The following TMTC1 variants were observed in gnomAD, a reference collection of about 807,000 sequenced individuals.
TMTC1 encodes protein O-mannosyl-transferase TMTC1.
In TMTC1, 73 loss-of-function variants were observed where a neutral mutation model predicts 104.8. The observed-to-expected ratio is 0.70, with a 90% confidence interval of 0.58 to 0.85. The LOEUF (loss-of-function observed/expected upper bound fraction) is 0.85, where lower values mean the gene tolerates loss of function less well. TMTC1 is among the 40% of genes least tolerant of loss of function. The probability of loss-of-function intolerance (pLI) is 0.00; values close to 1 mark genes in which losing one functional copy is unlikely to be tolerated. For synonymous variants in TMTC1, 434 were observed against 428.7 expected (o/e 1.01, Z -0.15); for missense variants, 1,035 against 1,096.1 (o/e 0.94, Z 0.79).
intron 9 of TMTC1, among the ~76,000 whole-genome samples, chr12:29,559,811 C>T (rs1158586030): frequency 2.6e-5 from 4 of 152,310 alleles, no homozygotes; most frequent in East Asian, 3.9e-4. Context: ...CTTTCTCTCT[C>T]TGGGTATCTG....
At chr12:29,589,121 G>A (rs1251005440) in intron 7 of TMTC1, among the ~76,000 whole-genome samples, 2 of 152,298 alleles carry the variant, frequency 1.3e-5, no homozygotes, top group African/African-American at 2.4e-5. Flanking sequence ...TTTACTGAGC[G>A]TGAGAAGAAT....
intron 6 of TMTC1, among the ~76,000 whole-genome samples, chr12:29,611,078 C>T (rs1946831739): frequency 6.6e-6 from 1 of 152,146 alleles, no homozygotes; most frequent in South Asian, 2.1e-4. Context: ...TGCCAAGAGG[C>T]ACTGCCAGAT....
chr12:29,511,539 G>A (rs1943837101), intron 17 of TMTC1, among the ~76,000 whole-genome samples: 1 of 152,154 alleles, frequency 6.6e-6, no homozygotes, highest in African/African-American at 2.4e-5. Flanking sequence ...CCCAAAGGTA[G>A]TGTTTTTCCT....
intron 9 of TMTC1, among the ~76,000 whole-genome samples, chr12:29,571,545 T>C (rs1420900344): frequency 2.0e-5 from 3 of 151,160 alleles, no homozygotes; most frequent in African/African-American, 7.3e-5. Context: ...CTCTCTTCCA[T>C]TGGAAGACTA....
chr12:29,617,700 A>T (rs1947024614), intron 6 of TMTC1, among the ~76,000 whole-genome samples: 1 of 152,182 alleles, frequency 6.6e-6, no homozygotes. Flanking sequence ...TTCTAAACAC[A>T]ATGGTAGGCT....
intron 7 of TMTC1, among the ~76,000 whole-genome samples, chr12:29,584,249 T>TA (rs1946064476): frequency 6.6e-6 from 1 of 152,192 alleles, no homozygotes; most frequent in South Asian, 2.1e-4. Context: ...ATTACGTCTC[T>TA]AAAAGCCTTT....
chr12:29,767,829 T>TATAC (rs1359488649), intron 2 of TMTC1, 69 bp downstream of exon 2: 24 of 1,383,094 alleles, frequency 1.7e-5, no homozygotes, highest in Non-Finnish European at 2.3e-5. Flanking sequence ...TATGTGTGTG[T>TATAC]ATACACGTAT....
intron 6 of TMTC1, 126 bp downstream of exon 6, chr12:29,633,021 A>G: frequency 1.2e-6 from 1 of 859,264 alleles, no homozygotes; most frequent in Non-Finnish European, 1.7e-6. Context: ...ACCCGCTACA[A>G]AAAATTTACA....
intron 6 of TMTC1, among the ~76,000 whole-genome samples, chr12:29,612,349 T>A (rs1946866584): frequency 6.6e-6 from 1 of 152,188 alleles, no homozygotes; most frequent in African/African-American, 2.4e-5. Flanking sequence ...ACATATTTCT[T>A]GTCAAGTACT....
intron 5 of TMTC1, among the ~76,000 whole-genome samples, chr12:29,737,454 C>T (rs1003225753): frequency 3.9e-5 from 6 of 152,118 alleles, no homozygotes; most frequent in South Asian, 2.1e-4. Flanking sequence ...GCGGGGGTTG[C>T]GGTGAGCCCA....
intron 1 of TMTC1, among the ~76,000 whole-genome samples, chr12:29,775,793 C>A (rs1474123276): frequency 6.6e-6 from 1 of 152,058 alleles, no homozygotes; most frequent in Non-Finnish European, 1.5e-5. Context: ...GCCTCACAGC[C>A]CCAACCCTCT....
intron 5 of TMTC1, among the ~76,000 whole-genome samples, chr12:29,667,050 A>G (rs1397391663): frequency 6.6e-6 from 1 of 152,222 alleles, no homozygotes; most frequent in Non-Finnish European, 1.5e-5. Flanking sequence ...AGAATATAGC[A>G]AAGACACAGC....
At chr12:29,742,302 CT>C (rs1020792465) in intron 5 of TMTC1, among the ~76,000 whole-genome samples, 11 of 151,966 alleles carry the variant, frequency 7.2e-5, no homozygotes, top group African/African-American at 2.7e-4. Context: ...TATTAATTGC[CT>C]TCAGCTCTTA....
intron 5 of TMTC1, among the ~76,000 whole-genome samples, chr12:29,720,828 T>C (rs1174409693): frequency 2.0e-5 from 3 of 152,002 alleles, no homozygotes; most frequent in Non-Finnish European, 2.9e-5. Flanking sequence ...CCAAGCAGGA[T>C]AAATAAAAAT....
chr12:29,567,587 G>A (rs1266280153), intron 9 of TMTC1, among the ~76,000 whole-genome samples: 1 of 152,186 alleles, frequency 6.6e-6, no homozygotes, highest in Non-Finnish European at 1.5e-5. Flanking sequence ...CACATCAGCT[G>A]AAGAACACAT....
chr12:29,611,689 G>A (rs1010804919), intron 6 of TMTC1, among the ~76,000 whole-genome samples: 2 of 152,182 alleles, frequency 1.3e-5, no homozygotes, highest in Admixed American at 1.3e-4. Flanking sequence ...GCTATGTATT[G>A]AATTTAAAAA....
Position 29,731,619 on chromosome 12 carries a change from G to A in TMTC1, c.938+20047C>T, listed in dbSNP as rs1275415353. On this transcript the variant is annotated intron_variant, in intron 5 of 17. Transcript: ENST00000539277. ...CAGACCTTGGCAATGACCATGAGCA[G>A]TAGGATATAAATAACTCGATAAGCA... 2.7e-5 allele frequency among the ~76,000 whole-genome samples: 4 copies of A among 147,236 alleles called. No homozygotes were observed. The Admixed American group carries it at 2.8e-4, about 10-fold the overall frequency.
Position 29,751,770 on chromosome 12 carries a change from C to A in TMTC1, c.834G>T (p.Arg278=), listed in dbSNP as rs949544004. Residue 278 remains arginine, a synonymous_variant, in exon 5 of 18, where the codon CGG becomes CGT. Coordinates refer to ENST00000539277, the MANE Select transcript of TMTC1 (RefSeq NM_001193451.2). ...HPHRENGKQQ[R]FPHKGAWGGC... ...CACCCCAAGCTCCTTTGTGAGGGAA[C>A]CGCTGCTGCTTCCCATTCTCCCGGT... 6.2e-7 allele frequency: 1 copy of A among 1,614,056 alleles called. No homozygotes were observed. Among genetic ancestry groups the A allele is most frequent in the South Asian group, 1.1e-5 (1 of 91,056 alleles).
chr12:29,679,157 T>C (rs567419997), intron 5 of TMTC1, among the ~76,000 whole-genome samples: 2 of 152,232 alleles, frequency 1.3e-5, no homozygotes, highest in African/African-American at 2.4e-5. Context: ...GGAACACTCA[T>C]TATATATTAC....
Sources: gnomAD v4.1 joint callset for allele counts (sites outside exome capture counted in the v4.1 genomes callset) on GRCh38, gnomAD v4.1.1 for gene constraint, MANE v1.5 for transcripts, NCBI Gene and HGNC (gene_info 2026-07-23, HGNC 2026-07-21) for gene names.